The following PMPCB variants were observed in gnomAD, a reference collection of about 807,000 sequenced individuals.
The protein encoded by PMPCB is peptidase, mitochondrial processing subunit beta.
Under a neutral mutation model 61.5 loss-of-function variants are expected in PMPCB, and 46 were observed. That is an observed-to-expected ratio of 0.75 (90% confidence interval 0.59 to 0.96). The LOEUF (loss-of-function observed/expected upper bound fraction) is 0.96. PMPCB is among the 40% of genes least tolerant of loss of function. The pLI is 0.00. For synonymous variants in PMPCB, 191 were observed against 201.6 expected (o/e 0.95, Z 0.44); for missense variants, 590 against 602.4 (o/e 0.98, Z 0.22).
chr7:103,320,033 C>CA (rs1490989275), intron 12 of PMPCB, among the ~76,000 whole-genome samples: 6 of 152,072 alleles, frequency 3.9e-5, no homozygotes, highest in Non-Finnish European at 7.4e-5. Flanking sequence ...GACTCCATCT[C>CA]AAAAAAACAG....
At chr7:103,329,137 G>C in exon 13 of PMPCB, 1 of 377,602 alleles carries the variant, frequency 2.6e-6, no homozygotes, top group East Asian at 8.8e-5. Context: ...GGCTGTCTCA[G>C]TTTTTCTTCT....
At chr7:103,309,417 C>A (rs918430758) in intron 8 of PMPCB, among the ~76,000 whole-genome samples, 1 of 152,102 alleles carries the variant, frequency 6.6e-6, no homozygotes. Flanking sequence ...ATTCAACCAA[C>A]CATAGGTGGA....
Position 103,311,916 on chromosome 7 carries a change from TA to T in PMPCB, c.1329+21del. ...ATTGATGTAAGTAGTCCTGAGTTAC[TA>T]TTGGGTCATGTGTAAAAAGATCCTT... On this transcript the variant is annotated intron_variant, in intron 11 of 12. Coordinates refer to ENST00000249269, the MANE Select transcript of PMPCB (RefSeq NM_004279.3). 1.3e-6 allele frequency: 2 copies of T among 1,543,254 alleles called. No individual in the cohort carries two copies. The highest frequency in any genetic ancestry group is 1.8e-6 in the Non-Finnish European group (2 of 1,122,174).
downstream of PMPCB, among the ~76,000 whole-genome samples, chr7:103,333,640 C>T (rs898006521): frequency 6.6e-5 from 10 of 152,146 alleles, no homozygotes; most frequent in African/African-American, 2.2e-4. Context: ...AAAAAGTTCC[C>T]TTGTACCCTT....
rs371202592 is a variant in PMPCB at position 103,312,746 on chromosome 7, C to T, written c.*475C>T. The T allele has an allele frequency of 3.2e-5, 49 of 1,538,280 alleles. No homozygotes were observed. In the East Asian group the frequency reaches 3.4e-4, roughly 11 times the overall value. On this transcript the variant is annotated 3_prime_UTR_variant, in exon 13 of 13. Coordinates refer to ENST00000249269, the MANE Select transcript of PMPCB (RefSeq NM_004279.3). ...ATTCAAGCAACTAAGATAGATAGTA[C>T]TAAATATACTGATTTCATTATCTGC...
intron 12 of PMPCB, chr7:103,324,504 C>A: frequency 6.7e-7 from 1 of 1,496,366 alleles, no homozygotes; most frequent in Non-Finnish European, 9.0e-7. Flanking sequence ...AATATATCTA[C>A]ATCTTCAAAT....
intron 7 of PMPCB, 108 bp from the exon 8 acceptor site, chr7:103,308,844 G>A: frequency 1.3e-6 from 1 of 765,356 alleles, no homozygotes; most frequent in South Asian, 2.7e-5. Flanking sequence ...GAGTCCTGGT[G>A]TGCATTTTAA....
Position 103,312,875 on chromosome 7 carries a change from CATAAAAT to C in PMPCB, c.*607_*613del. 6.4e-7 allele frequency: 1 copy of C among 1,554,308 alleles called. No homozygotes were observed. The highest frequency in any genetic ancestry group is 8.6e-7 in the Non-Finnish European group (1 of 1,156,722). ...ACTATATTATTAACCACTTAATAGACATAAAATATGAGCTATATCACCCAAGCTACAA... is the reference window on the plus strand; with the variant it reads ...ACTATATTATTAACCACTTAATAGACATGAGCTATATCACCCAAGCTACAA... On this transcript the variant is annotated 3_prime_UTR_variant, in exon 13 of 13. Transcript: ENST00000249269.
downstream of PMPCB, chr7:103,314,801 G>T (rs1817956340): frequency 9.6e-6 from 2 of 208,420 alleles, no homozygotes; most frequent in Non-Finnish European, 1.7e-5. Flanking sequence ...AAGAATATAG[G>T]TAAAACTGGG....
chr7:103,316,835 A>G (rs1010036369), downstream of PMPCB: 6 of 1,613,214 alleles, frequency 3.7e-6, no homozygotes, highest in Non-Finnish European at 5.1e-6. Context: ...AGTACCTTGA[A>G]TTTGTTCCAG....
intron 4 of PMPCB, among the ~76,000 whole-genome samples, chr7:103,301,094 A>G (rs1387071497): frequency 6.6e-6 from 1 of 152,238 alleles, no homozygotes; most frequent in Admixed American, 6.5e-5. Context: ...ACTTAACACA[A>G]GTACTTTTGT....
In PMPCB at chr7:103,297,826, T is replaced by C. The variant is rs543698442; in HGVS notation, c.99+268T>C. The C allele has an allele frequency of 2.1e-3, 3,109 of 1,516,008 alleles. 8 individuals are homozygous for C. The highest frequency in any genetic ancestry group is 2.3e-3 in the Non-Finnish European group (2,632 of 1,134,930). 93.9% of individuals were successfully genotyped at this position (1,516,008 alleles called of 1,614,324 possible). A position where few individuals can be genotyped will look rare whatever the true frequency, so the allele number is the denominator to read the frequency against. On this transcript the variant is annotated intron_variant, in intron 1 of 12. Coordinates refer to ENST00000249269, the MANE Select transcript of PMPCB (RefSeq NM_004279.3). ...TACTGAGGAGTGCATGTTTGACCACTAAAAACGTAGTGCTTGCAAATTGGG... is the reference window on the plus strand; with the variant it reads ...TACTGAGGAGTGCATGTTTGACCACCAAAAACGTAGTGCTTGCAAATTGGG...
At chr7:103,317,406 G>C (rs117231788), downstream of PMPCB, 676 of 166,924 alleles carry the variant, frequency 4.0e-3, 3 homozygotes, top group Non-Finnish European at 6.7e-3. Context: ...TGAAGGCATA[G>C]CAAAATGGCC....
chr7:103,321,886 A>G, intron 12 of PMPCB: 1 of 1,559,390 alleles, frequency 6.4e-7, no homozygotes, highest in Non-Finnish European at 8.7e-7. Flanking sequence ...TTGCTTAATA[A>G]GCAACTTGAT....
rs1817883115 is a variant in PMPCB, at chr7:103,313,649, G to A, written c.*1378G>A. 3.0e-6 allele frequency: 3 copies of A among 985,414 alleles called. No individual in the cohort carries two copies. The highest frequency in any genetic ancestry group is 3.6e-6 in the Non-Finnish European group (3 of 829,918). The allele number at this position is 985,414 out of a possible 1,614,324, so 61.0% of individuals were successfully genotyped here. A position where few individuals can be genotyped will look rare whatever the true frequency, so the allele number is the denominator to read the frequency against. ...CAAGCTGAGATTAGATTGTGTTGTA[G>A]TGTGGTGTTCTCTTCGTCACATCTG... is the stretch of plus-strand genomic sequence containing the variant. On this transcript the variant is annotated 3_prime_UTR_variant, in exon 13 of 13. Coordinates refer to ENST00000249269, the MANE Select transcript of PMPCB (RefSeq NM_004279.3).
chr7:103,320,867 C>G (rs1250078860), intron 12 of PMPCB: 1 of 102,750 alleles, frequency 9.7e-6, no homozygotes, highest in East Asian at 3.1e-4. Context: ...GAGACTCTGT[C>G]TTGTTTAGTT....
chr7:103,345,934 C>G, the PMPCB span, among the ~76,000 whole-genome samples: 1 of 151,460 alleles, frequency 6.6e-6, no homozygotes, highest in Non-Finnish European at 1.5e-5. Flanking sequence ...AACAGTGAGA[C>G]CCCGTCTTTA....
Position 103,313,628 on chromosome 7 carries a change from C to T in PMPCB, c.*1357C>T. 1 of 985,334 alleles carries T rather than the reference C, an allele frequency of 1.0e-6. No individual in the cohort carries two copies. The highest frequency in any genetic ancestry group is 1.2e-6 in the Non-Finnish European group (1 of 829,860). 61.0% of individuals were successfully genotyped at this position (985,334 alleles called of 1,614,324 possible). A position where few individuals can be genotyped will look rare whatever the true frequency, so the allele number is the denominator to read the frequency against. On this transcript the variant is annotated 3_prime_UTR_variant, in exon 13 of 13. Transcript: ENST00000249269. ...AAGGTACCAGTGCTGGAGAGGCAAG[C>T]TGAGATTAGATTGTGTTGTAGTGTG...
At chr7:103,327,674 A>G in intron 12 of PMPCB, 2 of 1,607,286 alleles carry the variant, frequency 1.2e-6, no homozygotes, top group African/African-American at 2.7e-5. Flanking sequence ...ATGCAAGTGA[A>G]GTAGTCATTA....
Sources: allele counts gnomAD v4.1 joint callset (sites outside exome capture counted in the v4.1 genomes callset), GRCh38; gene constraint gnomAD v4.1.1; transcripts MANE v1.5; gene names NCBI Gene and HGNC (gene_info 2026-07-23, HGNC 2026-07-21).